The following RAB38 variants were observed in gnomAD, a reference collection of about 807,000 sequenced individuals.
RAB38 encodes RAB38, member RAS oncogene family.
In RAB38, 15 loss-of-function variants were observed where a neutral mutation model predicts 18.4. The ratio of observed to expected loss-of-function variants is 0.82; its 90% confidence interval spans 0.55 to 1.26. RAB38 has a LOEUF of 1.26. Ranked by LOEUF, RAB38 falls within the 50% of genes most tolerant of loss-of-function variation. The pLI, the probability that RAB38 is intolerant of heterozygous loss-of-function variation, is 0.00. For synonymous variants in RAB38, 101 were observed against 104.4 expected, an observed-to-expected ratio of 0.97 and a Z score of 0.20; for missense variants, 294 against 267.4, an observed-to-expected ratio of 1.10 and a Z score of -0.69.
At chr11:88,172,412 T>G (rs1398959077) in intron 1 of RAB38, among the ~76,000 whole-genome samples, 1 of 152,170 alleles carries the variant, frequency 6.6e-6, no homozygotes, top group African/African-American at 2.4e-5. Flanking sequence ...TTTAGTAGAT[T>G]AAAAAGGGCC....
intron 2 of RAB38, among the ~76,000 whole-genome samples, chr11:88,148,518 T>C (rs1028556416): frequency 6.6e-6 from 1 of 152,198 alleles, no homozygotes; most frequent in African/African-American, 2.4e-5. Flanking sequence ...ATCCGTCTTC[T>C]ATAGTTTCTC....
At chr11:87,901,102 C>A in the RAB38 span, among the ~76,000 whole-genome samples, 1 of 151,528 alleles carries the variant, frequency 6.6e-6, no homozygotes, top group Non-Finnish European at 1.5e-5. Context: ...TCTCTGGCTG[C>A]ACATTGGAAT....
At chr11:88,025,800 TA>T in the RAB38 span, among the ~76,000 whole-genome samples, 6 of 152,194 alleles carry the variant, frequency 3.9e-5, no homozygotes, top group African/African-American at 1.2e-4. Flanking sequence ...AGTTTACTAA[TA>T]TTTTTTCCCA....
At chr11:87,893,409 A>G in the RAB38 span, among the ~76,000 whole-genome samples, 8 of 6,918 alleles carry the variant, frequency 1.2e-3, no homozygotes, top group African/African-American at 3.4e-3. Context: ...TTACATAGCT[A>G]TTTGACTGGC....
the RAB38 span, among the ~76,000 whole-genome samples, chr11:87,835,000 T>A: frequency 3.3e-5 from 5 of 152,242 alleles, no homozygotes; most frequent in African/African-American, 1.2e-4. Context: ...CTGCCCATTA[T>A]GCAGTTTGTT....
Position 88,125,122 on chromosome 11 carries a change from T to A in RAB38, c.484-10982A>T, listed in dbSNP as rs371597765. ...TGTCTCACTGCAATCATCCTCTATATTCCTTCCAGACTGTCTCTTAACTAC... is the reference window on the plus strand; with the variant it reads ...TGTCTCACTGCAATCATCCTCTATAATCCTTCCAGACTGTCTCTTAACTAC... On this transcript the variant is annotated intron_variant, in intron 2 of 2. Transcript: ENST00000243662. Among the ~76,000 whole-genome samples the A allele has an allele frequency of 1.4e-3, 208 of 152,338 alleles. 4 individuals carry two copies. Among genetic ancestry groups the A allele is most frequent in the African/African-American group, 4.6e-3 (190 of 41,588 alleles).
chr11:87,839,923 G>A, the RAB38 span, among the ~76,000 whole-genome samples: 5 of 152,126 alleles, frequency 3.3e-5, no homozygotes, highest in Non-Finnish European at 7.4e-5. Flanking sequence ...TTTCTCTCAG[G>A]TTGATTGTGG....
chr11:88,052,483 A>G, the RAB38 span, among the ~76,000 whole-genome samples: 1 of 152,138 alleles, frequency 6.6e-6, no homozygotes, highest in African/African-American at 2.4e-5. Flanking sequence ...AAAAGGTAAC[A>G]ATAGAACTGG....
chr11:88,034,120 C>T, the RAB38 span, among the ~76,000 whole-genome samples: 3 of 152,280 alleles, frequency 2.0e-5, no homozygotes, highest in Non-Finnish European at 4.4e-5. Flanking sequence ...TTTGTCAATT[C>T]AATAATGTTA....
chr11:87,927,230 G>A, the RAB38 span, among the ~76,000 whole-genome samples: 5 of 151,970 alleles, frequency 3.3e-5, no homozygotes, highest in African/African-American at 7.2e-5. Flanking sequence ...TGCAGGTAGG[G>A]ATTATATTAA....
the RAB38 span, among the ~76,000 whole-genome samples, chr11:87,931,953 T>A: frequency 6.7e-6 from 1 of 149,864 alleles, no homozygotes; most frequent in East Asian, 2.0e-4. Context: ...TGGGGTGGGG[T>A]GGTGAGGGAG....
At chr11:88,132,792 A>C (rs1006769557) in intron 2 of RAB38, among the ~76,000 whole-genome samples, 1 of 152,216 alleles carries the variant, frequency 6.6e-6, no homozygotes, top group African/African-American at 2.4e-5. Flanking sequence ...AAAATAATAG[A>C]TTAAAAATGA....
chr11:87,827,548 A>C, the RAB38 span, among the ~76,000 whole-genome samples: 2 of 152,172 alleles, frequency 1.3e-5, no homozygotes, highest in Non-Finnish European at 2.9e-5. Flanking sequence ...ACCTAGACTG[A>C]AAATATATTA....
At chr11:87,956,246 G>A in the RAB38 span, among the ~76,000 whole-genome samples, 2 of 152,120 alleles carry the variant, frequency 1.3e-5, no homozygotes, top group African/African-American at 4.8e-5. Flanking sequence ...AGAACATGTT[G>A]CACAAGTCCC....
chr11:87,944,794 A>G, the RAB38 span, among the ~76,000 whole-genome samples: 1 of 152,062 alleles, frequency 6.6e-6, no homozygotes. Flanking sequence ...AACCCATTTG[A>G]GCACCCTATC....
At chr11:87,824,562 A>T in the RAB38 span, among the ~76,000 whole-genome samples, 1 of 152,198 alleles carries the variant, frequency 6.6e-6, no homozygotes, top group East Asian at 1.9e-4. Context: ...AAGCTATCGA[A>T]TCCACTAAAA....
At chr11:87,871,955 A>G in the RAB38 span, among the ~76,000 whole-genome samples, 1 of 151,558 alleles carries the variant, frequency 6.6e-6, no homozygotes, top group African/African-American at 2.4e-5. Context: ...TGCTACCTGT[A>G]TTTTAGTGAA....
chr11:88,080,216 A>G, the RAB38 span, among the ~76,000 whole-genome samples: 1 of 151,772 alleles, frequency 6.6e-6, no homozygotes, highest in East Asian at 1.9e-4. Flanking sequence ...AGGTCAATAT[A>G]TAAAAACAAA....
chr11:88,078,317 T>A, the RAB38 span, among the ~76,000 whole-genome samples: 1 of 152,030 alleles, frequency 6.6e-6, no homozygotes, highest in African/African-American at 2.4e-5. Context: ...CTACTGGTTA[T>A]ATATCCAAAA....
Sources: allele counts gnomAD v4.1 joint callset (sites outside exome capture counted in the v4.1 genomes callset), GRCh38; gene constraint gnomAD v4.1.1; transcripts MANE v1.5; gene names NCBI Gene and HGNC (gene_info 2026-07-23, HGNC 2026-07-21).